Variants in LINGO2 observed in about 807,000 individuals in gnomAD.
LINGO2 encodes the protein leucine-rich repeat and immunoglobulin-like domain-containing nogo receptor-interacting protein 2.
A neutral mutation model predicts 30.6 loss-of-function variants in LINGO2; 14 were observed. The ratio of observed to expected loss-of-function variants is 0.46; its 90% CI spans 0.30 to 0.72. LINGO2 has a LOEUF of 0.72. Ranked by LOEUF, LINGO2 falls within the 30% of genes least tolerant of loss-of-function variation. The pLI is 0.07. For missense variants in LINGO2, 729 were observed against 751.7 expected, an observed-to-expected ratio of 0.97 and a Z score of 0.35; for synonymous variants, 317 against 288.5, an observed-to-expected ratio of 1.10 and a Z score of -1.00.
At chr9:29,031,214 T>C in the LINGO2 span, among the ~76,000 whole-genome samples, 1 of 151,998 alleles carries the variant, frequency 6.6e-6, no homozygotes, top group Non-Finnish European at 1.5e-5. Flanking sequence ...GTTTGGTTCA[T>C]ATCAATGTTT....
chr9:28,537,878 A>T (rs948895991), intron 1 of LINGO2, among the ~76,000 whole-genome samples: 3 of 151,912 alleles, frequency 2.0e-5, no homozygotes, highest in Non-Finnish European at 4.4e-5. Context: ...ATTAAAAAAA[A>T]AAAAAACTTA....
chr9:29,033,894 A>G, the LINGO2 span, among the ~76,000 whole-genome samples: 1 of 152,030 alleles, frequency 6.6e-6, no homozygotes, highest in African/African-American at 2.4e-5. Flanking sequence ...CAGCCTGGCC[A>G]ATATGGTGCA....
In LINGO2 at chr9:28,341,648, T is replaced by C. The variant is rs146094006; in HGVS notation, c.-246+31188A>G. Among the ~76,000 whole-genome samples, 6 of 152,286 alleles carry C rather than the reference T, an allele frequency of 3.9e-5. No homozygotes were observed. In the East Asian group the frequency reaches 1.2e-3, roughly 29 times the overall value. ...CTAAATGGATAATAGTTATTAAGCT[T>C]ATGAAACTTTACCTATTACAAAACC... On this transcript the variant is annotated intron_variant, in intron 3 of 5. Transcript: ENST00000379992.
intron 3 of LINGO2, among the ~76,000 whole-genome samples, chr9:28,344,613 A>G (rs1434118816): frequency 6.6e-6 from 1 of 152,088 alleles, no homozygotes; most frequent in Non-Finnish European, 1.5e-5. Context: ...GCTTTTGTGG[A>G]TCAAATTAAA....
the LINGO2 span, among the ~76,000 whole-genome samples, chr9:29,171,925 T>C: frequency 2.0e-4 from 31 of 151,934 alleles, no homozygotes; most frequent in African/African-American, 6.3e-4. Flanking sequence ...TACATGTTAA[T>C]GTATTACCTG....
chr9:29,018,280 C>T, the LINGO2 span, among the ~76,000 whole-genome samples: 1 of 151,200 alleles, frequency 6.6e-6, no homozygotes, highest in Non-Finnish European at 1.5e-5. Flanking sequence ...AATAACAGAG[C>T]AACAGAGACT....
the LINGO2 span, among the ~76,000 whole-genome samples, chr9:28,840,017 A>G: frequency 6.7e-6 from 1 of 149,452 alleles, no homozygotes; most frequent in Admixed American, 6.6e-5. Flanking sequence ...GGCACACCCA[A>G]CTGGGTTGCA....
the LINGO2 span, among the ~76,000 whole-genome samples, chr9:29,029,631 CTT>C: frequency 1.3e-5 from 2 of 152,142 alleles, no homozygotes; most frequent in Non-Finnish European, 2.9e-5. Context: ...CCTGACATCT[CTT>C]TAACTTATTT....
the LINGO2 span, among the ~76,000 whole-genome samples, chr9:29,028,379 C>A: frequency 1.4e-5 from 2 of 139,878 alleles, no homozygotes; most frequent in African/African-American, 5.6e-5. Context: ...ATAAAACTAT[C>A]CATGTAGAAG....
intron 4 of LINGO2, among the ~76,000 whole-genome samples, chr9:28,226,985 T>C (rs761246653): frequency 9.2e-5 from 14 of 152,170 alleles, no homozygotes; most frequent in Non-Finnish European, 1.5e-4. Context: ...AGTCAGCTTG[T>C]AGGTAGGCTG....
the LINGO2 span, among the ~76,000 whole-genome samples, chr9:29,117,078 C>CA: frequency 3.3e-5 from 5 of 152,242 alleles, no homozygotes; most frequent in African/African-American, 1.2e-4. Flanking sequence ...TTATGTAACA[C>CA]AATTACATAA....
intron 3 of LINGO2, among the ~76,000 whole-genome samples, chr9:28,302,647 G>C (rs1242619740): frequency 6.6e-6 from 1 of 152,060 alleles, no homozygotes; most frequent in East Asian, 1.9e-4. Flanking sequence ...CTCCAACCTG[G>C]GCAACTGAGT....
At chr9:28,182,187 A>C (rs1264515850) in intron 4 of LINGO2, among the ~76,000 whole-genome samples, 3 of 152,194 alleles carry the variant, frequency 2.0e-5, no homozygotes, top group African/African-American at 7.2e-5. Context: ...GATCTTCGAC[A>C]AACCTGGCAA....
the LINGO2 span, among the ~76,000 whole-genome samples, chr9:29,087,355 C>G: frequency 6.6e-6 from 1 of 152,120 alleles, no homozygotes; most frequent in African/African-American, 2.4e-5. Context: ...GAAACCAGGA[C>G]TGGTACACAT....
the LINGO2 span, among the ~76,000 whole-genome samples, chr9:28,849,513 C>A: frequency 6.6e-6 from 1 of 151,984 alleles, no homozygotes; most frequent in Non-Finnish European, 1.5e-5. Flanking sequence ...AATAGTAGGT[C>A]ATTGACTTTA....
chr9:29,111,891 A>ATATATGTGTGTATATATACATATATT, the LINGO2 span, among the ~76,000 whole-genome samples: 1 of 150,236 alleles, frequency 6.7e-6, no homozygotes, highest in African/African-American at 2.4e-5. Flanking sequence ...ACATATATTT[A>ATATATGTGTGTATATATACATATATT]TATATGTGTG....
the LINGO2 span, among the ~76,000 whole-genome samples, chr9:28,821,545 G>T: frequency 6.6e-6 from 1 of 152,308 alleles, no homozygotes; most frequent in South Asian, 2.1e-4. Context: ...AGCTGTAGCT[G>T]CAACAGTCCT....
the LINGO2 span, among the ~76,000 whole-genome samples, chr9:28,912,218 GA>G: frequency 6.6e-6 from 1 of 152,190 alleles, no homozygotes; most frequent in East Asian, 1.9e-4. Context: ...AGTGAAAAAT[GA>G]AAACCTGGAA....
At chr9:28,266,300 A>G (rs1822747926) in intron 4 of LINGO2, among the ~76,000 whole-genome samples, 1 of 151,980 alleles carries the variant, frequency 6.6e-6, no homozygotes, top group African/African-American at 2.4e-5. Flanking sequence ...ATAATGTTTC[A>G]CAAAGAAAGA....
Sources: gnomAD v4.1 joint callset for allele counts (sites outside exome capture counted in the v4.1 genomes callset) on GRCh38, gnomAD v4.1.1 for gene constraint, MANE v1.5 for transcripts, NCBI Gene and HGNC (gene_info 2026-07-23, HGNC 2026-07-21) for gene names.